The following TGFBR3 variants were observed in gnomAD, a reference collection of about 807,000 sequenced individuals.
TGFBR3 encodes transforming growth factor beta receptor type 3.
Under a neutral mutation model 87.9 loss-of-function variants are expected in TGFBR3, and 46 were observed. The observed-to-expected ratio is 0.52, with a 90% CI of 0.41 to 0.67. The LOEUF (loss-of-function observed/expected upper bound fraction) is 0.67. Among genes scored for constraint, TGFBR3 ranks in the 30% least tolerant of loss-of-function variants. The pLI is 0.00. For synonymous variants in TGFBR3, 381 were observed against 391.6 expected, an observed-to-expected ratio of 0.97 and a Z score of 0.32; for missense variants, 866 against 1,041.9, an observed-to-expected ratio of 0.83 and a Z score of 2.32.
chr1:91,892,630 T>C (rs1679473176), intron 2 of TGFBR3, among the ~76,000 whole-genome samples: 1 of 152,166 alleles, frequency 6.6e-6, no homozygotes, highest in Admixed American at 6.6e-5. Context: ...ACCCTCTCTG[T>C]TCAGGGTTAT....
At chr1:91,767,950 T>C (rs1674237068) in intron 3 of TGFBR3, among the ~76,000 whole-genome samples, 1 of 151,482 alleles carries the variant, frequency 6.6e-6, no homozygotes, top group South Asian at 2.1e-4. Flanking sequence ...CAGTGACTCA[T>C]GCCTGTAATC....
At chr1:91,787,353 G>A (rs1285223575) in intron 3 of TGFBR3, among the ~76,000 whole-genome samples, 1 of 151,996 alleles carries the variant, frequency 6.6e-6, no homozygotes, top group Non-Finnish European at 1.5e-5. Context: ...CCATTTTACA[G>A]ATGAGGAAAC....
rs756649418 is a variant in TGFBR3, at chr1:91,727,716, T to C, written c.828A>G (p.Lys276=). 7 of 1,614,150 alleles carry C rather than the reference T, an allele frequency of 4.3e-6. No individual in the cohort carries two copies. Among genetic ancestry groups the C allele is most frequent in the Middle Eastern group, 3.3e-4 (2 of 6,062 alleles). Residue 276 remains lysine, a synonymous_variant, in exon 7 of 17, where the codon AAA becomes AAG. Coordinates refer to ENST00000212355, the MANE Select transcript of TGFBR3 (RefSeq NM_003243.5). ...VKNLILILKC[K]KSVNWVIKSF... Reference sequence around the variant, plus strand: ...ATTTGATCACCCAGTTGACAGACTTTTTGCACTTCAAGATCAGGATGAGAT... The same window carrying C: ...ATTTGATCACCCAGTTGACAGACTTCTTGCACTTCAAGATCAGGATGAGAT...
rs1676733000 is a variant in TGFBR3 at position 91,828,623 on chromosome 1, G to A, written c.62-31152C>T. On this transcript the variant is annotated intron_variant, in intron 2 of 16. Coordinates refer to ENST00000212355, the MANE Select transcript of TGFBR3 (RefSeq NM_003243.5). ...CTTAAGCAGAAACGGAGGTGCAAGT[G>A]AACTTAGCTGTGAAAGGGTCCCTCT... Among the ~76,000 whole-genome samples the A allele has an allele frequency of 2.6e-5, 4 of 152,170 alleles. No homozygotes were observed. In the South Asian group the frequency reaches 8.3e-4, roughly 31 times the overall value.
rs913948198 is a variant in TGFBR3 at position 91,855,729 on chromosome 1, G to A, written c.61+5742C>T. 3.3e-5 allele frequency among the ~76,000 whole-genome samples: 5 copies of A among 152,134 alleles called. No individual in the cohort carries two copies. The East Asian group carries it at 9.6e-4, about 29-fold the overall frequency. On this transcript the variant is annotated intron_variant, in intron 2 of 16. Transcript: ENST00000212355. ...AATGTTATAACACAAGTATAGACGA[G>A]TTTTTAAAGCAAAACTTAGACTTAA...
chr1:91,743,662 G>A (rs1160793321), intron 4 of TGFBR3, among the ~76,000 whole-genome samples: 5 of 152,236 alleles, frequency 3.3e-5, no homozygotes. Flanking sequence ...CAAGTGTTGG[G>A]TACAAAAAAG....
rs1671492138 is a variant in TGFBR3, at chr1:91,698,077, A to G, written c.2329+12T>C. 9 of 1,613,540 alleles carry G rather than the reference A, an allele frequency of 5.6e-6. No homozygotes were observed. The South Asian group carries it at 9.9e-5, about 18-fold the overall frequency. Reference sequence around the variant, plus strand: ...GGAGGTTTTATTTCGAAATAGTTGCATAAAGACTTACGTGGAGAAATTGGA... The same window carrying G: ...GGAGGTTTTATTTCGAAATAGTTGCGTAAAGACTTACGTGGAGAAATTGGA... On this transcript the variant is annotated intron_variant, in intron 15 of 16. Transcript: ENST00000212355.
intron 3 of TGFBR3, among the ~76,000 whole-genome samples, chr1:91,763,079 A>G (rs1255057952): frequency 1.3e-5 from 2 of 152,238 alleles, no homozygotes; most frequent in African/African-American, 4.8e-5. Context: ...TATTGTCTCA[A>G]ACTCTGTAGA....
intron 12 of TGFBR3, among the ~76,000 whole-genome samples, chr1:91,714,563 C>T (rs1393156760): frequency 6.6e-6 from 1 of 151,746 alleles, no homozygotes; most frequent in Non-Finnish European, 1.5e-5. Context: ...AAAAAAACTA[C>T]CAATAACACA....
intron 2 of TGFBR3, among the ~76,000 whole-genome samples, chr1:91,834,532 C>CCTA (rs1469729677): frequency 2.6e-5 from 4 of 152,184 alleles, no homozygotes; most frequent in Non-Finnish European, 5.9e-5. Flanking sequence ...ATACCGAACA[C>CCTA]CTACTACCTA....
chr1:91,712,383 A>ACT lies in TGFBR3; in HGVS notation c.2025_2026insAG (p.Phe676SerfsTer33). On this transcript the variant is annotated frameshift_variant, in exon 13 of 17. Coordinates refer to ENST00000212355, the MANE Select transcript of TGFBR3 (RefSeq NM_003243.5). LOFTEE classifies it high-confidence loss of function. ...TCCATGTCAGCTTGCGGGATAGGAA[A>ACT]GTGCACTCTCTTGGGACTGTAGAAT... The ACT allele has an allele frequency of 6.2e-7, 1 of 1,614,232 alleles. No homozygotes were observed.
intron 14 of TGFBR3, among the ~76,000 whole-genome samples, chr1:91,704,109 T>A (rs906518158): frequency 6.6e-6 from 1 of 151,922 alleles, no homozygotes; most frequent in Non-Finnish European, 1.5e-5. Context: ...GGATGGATCA[T>A]CTCAGGTCAG....
At chr1:91,753,842 T>C (rs1262178158) in intron 4 of TGFBR3, among the ~76,000 whole-genome samples, 3 of 152,226 alleles carry the variant, frequency 2.0e-5, no homozygotes, top group Non-Finnish European at 4.4e-5. Context: ...TTTCATCCAC[T>C]CATCTGTTGG....
chr1:91,884,464 G>A (rs778679796), intron 1 of TGFBR3, among the ~76,000 whole-genome samples: 22 of 152,186 alleles, frequency 1.4e-4, no homozygotes, highest in Non-Finnish European at 2.6e-4. Context: ...CCTTATGTGT[G>A]TTTCAAGAGA....
intron 2 of TGFBR3, among the ~76,000 whole-genome samples, chr1:91,826,499 T>C (rs1025250574): frequency 5.3e-5 from 8 of 152,238 alleles, no homozygotes; most frequent in African/African-American, 1.7e-4. Flanking sequence ...GCTGAGTCAA[T>C]TCAGCCAATG....
chr1:91,730,063 T>C (rs753866989), intron 5 of TGFBR3, 90 bp from the exon 6 acceptor site: 308 of 1,456,758 alleles, frequency 2.1e-4, no homozygotes, highest in Non-Finnish European at 2.8e-4. Flanking sequence ...ACTGAGCAAA[T>C]GGCAGACACA....
chr1:91,854,079 G>A (rs190267007), intron 2 of TGFBR3, among the ~76,000 whole-genome samples: 24 of 152,282 alleles, frequency 1.6e-4, no homozygotes, highest in Admixed American at 1.6e-3. Context: ...TGGGGAGTGG[G>A]GGTGGAAGGA....
chr1:91,881,656 AAAG>A (rs1679076933), intron 1 of TGFBR3, among the ~76,000 whole-genome samples: 1 of 152,232 alleles, frequency 6.6e-6, no homozygotes, highest in African/African-American at 2.4e-5. Context: ...TAAGATTTAA[AAAG>A]AAGGGACTCA....
intron 2 of TGFBR3, among the ~76,000 whole-genome samples, chr1:91,828,153 T>C (rs1382066060): frequency 2.6e-5 from 4 of 152,148 alleles, no homozygotes; most frequent in Non-Finnish European, 4.4e-5. Flanking sequence ...CCAAGATAAC[T>C]CGTCATGATC....
Sources: allele counts gnomAD v4.1 joint callset (sites outside exome capture counted in the v4.1 genomes callset), GRCh38; gene constraint gnomAD v4.1.1; transcripts MANE v1.5; gene names NCBI Gene and HGNC (gene_info 2026-07-23, HGNC 2026-07-21).